TRMT11: variants seen among roughly 807,000 people sequenced by gnomAD.
The protein encoded by TRMT11 is tRNA (guanine(10)-N(2))-methyltransferase TRMT11.
A neutral mutation model predicts 62.8 loss-of-function variants in TRMT11; 53 were observed. The observed-to-expected ratio is 0.84, with a 90% CI of 0.68 to 1.06. The LOEUF is 1.06. Ranked by LOEUF, TRMT11 falls within the 50% of genes least tolerant of loss-of-function variation. TRMT11 has a pLI of 0.00. For missense variants in TRMT11, 556 were observed against 553.4 expected, an observed-to-expected ratio of 1.00 and a Z score of -0.05; for synonymous variants, 188 against 190.3, an observed-to-expected ratio of 0.99 and a Z score of 0.10.
At chr6:126,173,490 C>T (rs1208045053), upstream of TRMT11, among the ~76,000 whole-genome samples, 3 of 152,040 alleles carry the variant, frequency 2.0e-5, no homozygotes, top group South Asian at 2.1e-4. Context: ...CTACAGTTAC[C>T]GGAGAATCTT....
At chr6:126,030,224 A>G (rs1046125790) in intron 12 of TRMT11, among the ~76,000 whole-genome samples, 10 of 152,142 alleles carry the variant, frequency 6.6e-5, no homozygotes, top group African/African-American at 2.2e-4. Context: ...CTTTAGCACA[A>G]GTGGTTTCTA....
At position 125,988,184 on chromosome 6, in the gene TRMT11, A is replaced by G. The variant is rs2128724019; in HGVS notation, c.72+1562A>G. 2.0e-5 allele frequency among the ~76,000 whole-genome samples: 3 copies of G among 152,356 alleles called. No homozygotes were observed. The South Asian group carries it at 6.2e-4, about 32-fold the overall frequency. On this transcript the variant is annotated intron_variant, in intron 1 of 12. Coordinates refer to ENST00000334379, the MANE Select transcript of TRMT11 (RefSeq NM_001031712.3). The stretch of plus-strand genomic sequence containing the variant: ...TGCAGTTGCTTTTTAGTGAGAAAAG[A>G]ATGAAAAAGTGTCATTGATAGTCTC...
chr6:126,182,134 A>G (rs776468761), intron 1 of TRMT11, among the ~76,000 whole-genome samples: 5 of 152,232 alleles, frequency 3.3e-5, no homozygotes, highest in East Asian at 1.9e-4. Context: ...ACGTATTAAC[A>G]TAAACTCTAG....
At chr6:125,996,936 G>A (rs931835054) in intron 3 of TRMT11, among the ~76,000 whole-genome samples, 1 of 152,086 alleles carries the variant, frequency 6.6e-6, no homozygotes, top group South Asian at 2.1e-4. Flanking sequence ...TACAGTGAAG[G>A]TCGTTAACAG....
chr6:126,271,846 A>T, the TRMT11 span, among the ~76,000 whole-genome samples: 2 of 152,172 alleles, frequency 1.3e-5, no homozygotes, highest in East Asian at 3.8e-4. Flanking sequence ...GAAAAACAGG[A>T]CCAGATTAAC....
chr6:126,152,455 C>G (rs926734221), intron 21 of TRMT11, among the ~76,000 whole-genome samples: 11 of 152,090 alleles, frequency 7.2e-5, no homozygotes, highest in Non-Finnish European at 1.5e-4. Context: ...TTTGGGAAGT[C>G]ACTGCCCTCT....
intron 1 of TRMT11, among the ~76,000 whole-genome samples, chr6:126,193,422 T>C (rs1342244616): frequency 6.6e-6 from 1 of 151,782 alleles, no homozygotes; most frequent in Non-Finnish European, 1.5e-5. Context: ...TAACCATTAT[T>C]TGCTTTATTC....
intron 21 of TRMT11, among the ~76,000 whole-genome samples, chr6:126,118,233 A>G (rs1777612141): frequency 6.6e-6 from 1 of 152,128 alleles, no homozygotes; most frequent in African/African-American, 2.4e-5. Context: ...CTGTGGAGAT[A>G]GTGCCCACAA....
chr6:126,093,585 G>GTATATATATATATATATATATATATA (rs56176946), intron 17 of TRMT11, among the ~76,000 whole-genome samples: 8 of 46,688 alleles, frequency 1.7e-4, no homozygotes, highest in African/African-American at 2.8e-4. Context: ...GGATATGTAT[G>GTATATATATATATATATATATATATA]TATATATATA....
the TRMT11 span, among the ~76,000 whole-genome samples, chr6:126,213,336 C>T: frequency 6.6e-6 from 1 of 152,026 alleles, no homozygotes; most frequent in African/African-American, 2.4e-5. Context: ...ATAGGAATTG[C>T]ATTGAATCTG....
chr6:126,155,786 T>TA (rs1334250926), intron 21 of TRMT11, among the ~76,000 whole-genome samples: 1 of 152,178 alleles, frequency 6.6e-6, no homozygotes, highest in African/African-American at 2.4e-5. Context: ...AGTGGCGCAG[T>TA]CTCAGCTCAC....
chr6:126,066,528 A>T (rs1583857960), intron 17 of TRMT11, among the ~76,000 whole-genome samples: 2 of 152,230 alleles, frequency 1.3e-5, no homozygotes, highest in Middle Eastern at 6.8e-3. Flanking sequence ...TCTCACAGGG[A>T]CGCTAATCCT....
chr6:126,158,684 G>A (rs996671063), intron 21 of TRMT11, among the ~76,000 whole-genome samples: 2 of 152,038 alleles, frequency 1.3e-5, no homozygotes, highest in African/African-American at 4.8e-5. Flanking sequence ...ATTGCATTTG[G>A]TATAAACCAG....
intron 21 of TRMT11, among the ~76,000 whole-genome samples, chr6:126,147,236 G>A (rs866253915): frequency 6.6e-6 from 1 of 152,106 alleles, no homozygotes; most frequent in African/African-American, 2.4e-5. Flanking sequence ...TATTTTTGTG[G>A]ATTTTTTCGT....
At chr6:126,181,898 G>A (rs1778471175) in intron 1 of TRMT11, among the ~76,000 whole-genome samples, 1 of 152,040 alleles carries the variant, frequency 6.6e-6, no homozygotes, top group Admixed American at 6.6e-5. Flanking sequence ...TTAACACTTA[G>A]AGGTAAGGAA....
chr6:126,137,402 C>G (rs1777863932), intron 21 of TRMT11, among the ~76,000 whole-genome samples: 1 of 151,786 alleles, frequency 6.6e-6, no homozygotes, highest in African/African-American at 2.4e-5. Flanking sequence ...CTCAATATCA[C>G]TAATCATCAG....
intron 7 of TRMT11, among the ~76,000 whole-genome samples, chr6:126,006,300 T>C (rs1793335738): frequency 6.6e-6 from 1 of 152,042 alleles, no homozygotes; most frequent in Non-Finnish European, 1.5e-5. Flanking sequence ...CTTTCTTTTT[T>C]TTCTCTCAGC....
chr6:126,267,653 T>C, the TRMT11 span, among the ~76,000 whole-genome samples: 2 of 152,050 alleles, frequency 1.3e-5, no homozygotes, highest in South Asian at 4.1e-4. Context: ...GGTTAGAAGA[T>C]GGTTAGGCAG....
the TRMT11 span, among the ~76,000 whole-genome samples, chr6:126,233,807 A>G: frequency 1.3e-5 from 2 of 152,184 alleles, no homozygotes; most frequent in African/African-American, 2.4e-5. Context: ...ATGCAGTCAT[A>G]AAATAAAATT....
Sources: gnomAD v4.1 joint callset for allele counts (sites outside exome capture counted in the v4.1 genomes callset) on GRCh38, gnomAD v4.1.1 for gene constraint, MANE v1.5 for transcripts, NCBI Gene and HGNC (gene_info 2026-07-23, HGNC 2026-07-21) for gene names.